Variants in ETF1 observed in about 807,000 individuals in gnomAD.
ETF1 encodes eukaryotic peptide chain release factor subunit 1.
In ETF1, 4 loss-of-function variants were observed where a neutral mutation model predicts 55.1. That is an observed-to-expected ratio of 0.07 (90% CI 0.04 to 0.17). The LOEUF (loss-of-function observed/expected upper bound fraction) is 0.17, where lower values mean the gene tolerates loss of function less well. Ranked by LOEUF, ETF1 falls within the 10% of genes least tolerant of loss-of-function variation. The probability of loss-of-function intolerance (pLI) is 1.00; values close to 1 mark genes in which losing one functional copy is unlikely to be tolerated. For missense variants in ETF1, 142 were observed against 523.6 expected (o/e 0.27, Z 7.11); for synonymous variants, 157 against 182.3 (o/e 0.86, Z 1.12).
intron 2 of ETF1, among the ~76,000 whole-genome samples, chr5:138,534,559 T>TC (rs1277396348): frequency 6.6e-6 from 1 of 152,246 alleles, no homozygotes; most frequent in Non-Finnish European, 1.5e-5. Context: ...ATGTTCAGTA[T>TC]CCAAGTTCTT....
In ETF1 at chr5:138,511,208, T is replaced by C. The variant is rs763014822; in HGVS notation, c.863-8A>G. On this transcript the variant is annotated splice_region_variant and splice_polypyrimidine_tract_variant and intron_variant, in intron 7 of 10. Coordinates refer to ENST00000360541, the MANE Select transcript of ETF1 (RefSeq NM_004730.4). ...TTTCATCAAAGTATCGTCCTACGAT[T>C]AGGGATCAGTCAACAGGATATATAT... 5.0e-6 allele frequency: 8 copies of C among 1,613,852 alleles called. No homozygotes were observed. The highest frequency in any genetic ancestry group is 6.8e-6 in the Non-Finnish European group (8 of 1,179,986).
In ETF1 at chr5:138,523,153, G is replaced by A. The variant is rs189242175; in HGVS notation, c.87-4286C>T. Among the ~76,000 whole-genome samples, 7 of 152,232 alleles carry A rather than the reference G, an allele frequency of 4.6e-5. No individual in the cohort carries two copies. In the East Asian group the frequency reaches 1.4e-3, roughly 29 times the overall value. Reference sequence around the variant, plus strand: ...GGGGGCCAAGGTGGGCGGATCACGAGGTCAAGAGACCGAGACCATCCTGAC... The same window carrying A: ...GGGGGCCAAGGTGGGCGGATCACGAAGTCAAGAGACCGAGACCATCCTGAC... On this transcript the variant is annotated intron_variant, in intron 2 of 10. Coordinates refer to ENST00000360541, the MANE Select transcript of ETF1 (RefSeq NM_004730.4).
rs528904888 is a variant in ETF1 at position 138,508,127 on chromosome 5, A to T, written c.*178T>A. ...CTGCGCTGACACCATGACAAACCAA[A>T]GTGTAGGGCTGGGTCTGGTTTTGTT... On this transcript the variant is annotated 3_prime_UTR_variant, in exon 11 of 11. Transcript: ENST00000360541. 1.4e-6 allele frequency: 1 copy of T among 725,306 alleles called. No individual in the cohort carries two copies. Among genetic ancestry groups the T allele is most frequent in the East Asian group, 2.9e-5 (1 of 34,702 alleles). 44.9% of individuals were successfully genotyped at this position (725,306 alleles called of 1,614,324 possible). A position where few individuals can be genotyped will look rare whatever the true frequency, so the allele number is the denominator to read the frequency against.
chr5:138,523,403 A>G (rs1440343928), intron 2 of ETF1, among the ~76,000 whole-genome samples: 2 of 145,786 alleles, frequency 1.4e-5, no homozygotes, highest in African/African-American at 5.1e-5. Flanking sequence ...GCGTGGTGGC[A>G]TGTGCCTGTA....
At position 138,511,059 on chromosome 5, in the gene ETF1, C is replaced by T; in HGVS notation, c.1004G>A (p.Cys335Tyr). ...AATTCTCATACCTTCTGTGCCTTGG[C>T]AATGAAGAACATATCTCATTATATC... Reference protein sequence around the residue: ...NLDIMRYVLHCQGTEEEKILY... With the variant: ...NLDIMRYVLHYQGTEEEKILY... The change falls in exon 8 of 11, where the codon TGC (cysteine) becomes TAC (tyrosine). Residue 335 changes from cysteine to tyrosine, a missense_variant. Coordinates refer to ENST00000360541, the MANE Select transcript of ETF1 (RefSeq NM_004730.4). The T allele has an allele frequency of 6.2e-7, 1 of 1,613,534 alleles. No homozygotes were observed. The highest frequency in any genetic ancestry group is 8.5e-7 in the Non-Finnish European group (1 of 1,179,634).
chr5:138,519,499 T>TA (rs747929851), intron 2 of ETF1, among the ~76,000 whole-genome samples: 62 of 141,534 alleles, frequency 4.4e-4, no homozygotes, highest in African/African-American at 4.7e-4. Flanking sequence ...TCGTCTCAAT[T>TA]AAAAAAAAAA....
chr5:138,513,362 G>T, intron 5 of ETF1: 1 of 349,910 alleles, frequency 2.9e-6, no homozygotes, highest in Non-Finnish European at 4.0e-6. Context: ...CTCACAAGTA[G>T]CTGGGATTAC....
chr5:138,538,984 A>C (rs1766064163), intron 2 of ETF1, among the ~76,000 whole-genome samples: 1 of 152,252 alleles, frequency 6.6e-6, no homozygotes, highest in Non-Finnish European at 1.5e-5. Flanking sequence ...ATTTAGAATT[A>C]AGATATCAAC....
At chr5:138,532,453 T>C (rs1272588759) in intron 2 of ETF1, among the ~76,000 whole-genome samples, 11 of 152,292 alleles carry the variant, frequency 7.2e-5, no homozygotes, top group Admixed American at 5.9e-4. Flanking sequence ...AGTGCCTAGC[T>C]TGGAGAGCAG....
intron 2 of ETF1, among the ~76,000 whole-genome samples, chr5:138,525,676 T>C (rs1765438452): frequency 6.6e-6 from 1 of 151,972 alleles, no homozygotes; most frequent in Non-Finnish European, 1.5e-5. Context: ...CCAGGCGCGG[T>C]AGCTCATACC....
At chr5:138,542,786 G>A (rs201244519) in intron 2 of ETF1, 47 bp downstream of exon 2, 145 of 1,604,812 alleles carry the variant, frequency 9.0e-5, no homozygotes, top group African/African-American at 4.4e-4. Flanking sequence ...CATCCTGAGG[G>A]GTCCGGGAAC....
At chr5:138,522,467 G>A (rs1765271527) in intron 2 of ETF1, among the ~76,000 whole-genome samples, 1 of 151,746 alleles carries the variant, frequency 6.6e-6, no homozygotes, top group Non-Finnish European at 1.5e-5. Flanking sequence ...TAAACACAGA[G>A]TTACCATATG....
At position 138,508,521 on chromosome 5, in the gene ETF1, G is replaced by A. The variant is rs147395282; in HGVS notation, c.1232-134C>T. 82 of 1,553,022 alleles carry A rather than the reference G, an allele frequency of 5.3e-5. 2 individuals carry two copies. In the East Asian group the frequency reaches 1.7e-3, roughly 33 times the overall value. On this transcript the variant is annotated intron_variant, in intron 10 of 10. Transcript: ENST00000360541. ...AAGCAAAGAGGTAATAATAAACATGGGTCCAAATTAGGAACCTGCACCTGC... is the reference window on the plus strand; with the variant it reads ...AAGCAAAGAGGTAATAATAAACATGAGTCCAAATTAGGAACCTGCACCTGC...
At chr5:138,539,739 C>T (rs766722710) in intron 2 of ETF1, among the ~76,000 whole-genome samples, 1 of 152,158 alleles carries the variant, frequency 6.6e-6, no homozygotes, top group Non-Finnish European at 1.5e-5. Flanking sequence ...TATAAATGCT[C>T]TTCTACACAC....
chr5:138,522,555 G>A (rs1172201487), intron 2 of ETF1, among the ~76,000 whole-genome samples: 2 of 150,950 alleles, frequency 1.3e-5, no homozygotes, highest in East Asian at 1.9e-4. Context: ...GTGCTTCAAT[G>A]TTCATGGAGG....
chr5:138,539,680 G>T (rs191815192), intron 2 of ETF1, among the ~76,000 whole-genome samples: 1 of 152,284 alleles, frequency 6.6e-6, no homozygotes, highest in Non-Finnish European at 1.5e-5. Flanking sequence ...TATGATGCTG[G>T]TTACAAAACA....
intron 2 of ETF1, chr5:138,541,765 TG>T (rs35332557): frequency 0.51 from 81,015 of 159,230 alleles, 20,682 homozygotes; most frequent in African/African-American, 0.62. Flanking sequence ...CACTTTTTTT[TG>T]GGGGGGGGGG....
chr5:138,524,706 T>C (rs1488128959), intron 2 of ETF1, among the ~76,000 whole-genome samples: 1 of 151,210 alleles, frequency 6.6e-6, no homozygotes, highest in Non-Finnish European at 1.5e-5. Context: ...GCCTCCCCAG[T>C]AGCTGGGACT....
Position 138,541,725 on chromosome 5 carries a change from A to G in ETF1, c.86+1108T>C, listed in dbSNP as rs1580729788. The G allele has an allele frequency of 1.7e-5, 17 of 1,025,746 alleles. No individual in the cohort carries two copies. In the East Asian group the frequency reaches 1.1e-3, roughly 66 times the overall value. 63.5% of individuals were successfully genotyped at this position (1,025,746 alleles called of 1,614,324 possible). On this transcript the variant is annotated intron_variant, in intron 2 of 10. Coordinates refer to ENST00000360541, the MANE Select transcript of ETF1 (RefSeq NM_004730.4). The stretch of plus-strand genomic sequence containing the variant: ...CCATTCTACTATTCTAAGAATGCTC[A>G]GACATACAAGTATGTAATAATGTTC...
Sources: gnomAD v4.1 joint callset for allele counts (sites outside exome capture counted in the v4.1 genomes callset) on GRCh38, gnomAD v4.1.1 for gene constraint, MANE v1.5 for transcripts, NCBI Gene and HGNC (gene_info 2026-07-23, HGNC 2026-07-21) for gene names.